OSBPL6: variants seen among roughly 807,000 people sequenced by gnomAD.
OSBPL6 encodes oxysterol binding protein like 6.
A neutral mutation model predicts 125.8 loss-of-function variants in OSBPL6; 49 were observed. The ratio of observed to expected loss-of-function variants is 0.39; its 90% CI spans 0.31 to 0.49. The LOEUF (loss-of-function observed/expected upper bound fraction) is 0.49. Ranked by LOEUF, OSBPL6 falls within the 20% of genes least tolerant of loss-of-function variation. The pLI is 0.88. For missense variants in OSBPL6, 986 were observed against 1,135.4 expected, an observed-to-expected ratio of 0.87 and a Z score of 1.89; for synonymous variants, 394 against 391.8, an observed-to-expected ratio of 1.01 and a Z score of -0.07.
chr2:178,355,854 C>T (rs1225217114), intron 12 of OSBPL6, among the ~76,000 whole-genome samples: 1 of 152,250 alleles, frequency 6.6e-6, no homozygotes, highest in South Asian at 2.1e-4. Context: ...TACTGGCAAA[C>T]CGAATCCAGT....
chr2:178,212,152 A>T (rs2089890345), intron 1 of OSBPL6, among the ~76,000 whole-genome samples: 1 of 152,132 alleles, frequency 6.6e-6, no homozygotes, highest in South Asian at 2.1e-4. Context: ...GCCGCCTTAC[A>T]AATTGCCCTC....
intron 12 of OSBPL6, 78 bp downstream of exon 12, chr2:178,349,467 T>C (rs1256506859): frequency 6.7e-7 from 1 of 1,495,062 alleles, no homozygotes; most frequent in African/African-American, 1.4e-5. Flanking sequence ...TTTATCTTTG[T>C]CTTTGTGGTA....
intron 13 of OSBPL6, among the ~76,000 whole-genome samples, chr2:178,369,739 G>A (rs1574992098): frequency 6.6e-6 from 1 of 152,164 alleles, no homozygotes. Context: ...ATGAACATGG[G>A]GTAAGATGAG....
intron 1 of OSBPL6, among the ~76,000 whole-genome samples, chr2:178,249,966 T>C (rs1164620967): frequency 6.6e-6 from 1 of 151,668 alleles, no homozygotes; most frequent in Admixed American, 6.6e-5. Flanking sequence ...AGGTCACCAA[T>C]AGACATTTCA....
intron 1 of OSBPL6, among the ~76,000 whole-genome samples, chr2:178,253,901 T>C (rs1401860205): frequency 2.0e-5 from 3 of 152,020 alleles, no homozygotes; most frequent in Non-Finnish European, 4.4e-5. Context: ...CCTGAGTGGG[T>C]TAATGGATTA....
intron 1 of OSBPL6, among the ~76,000 whole-genome samples, chr2:178,261,476 A>G (rs2092062860): frequency 6.6e-6 from 1 of 152,174 alleles, no homozygotes; most frequent in South Asian, 2.1e-4. Context: ...GTAACTGATC[A>G]AAGACTATAA....
chr2:178,273,850 T>C (rs2154026339), intron 1 of OSBPL6, among the ~76,000 whole-genome samples: 1 of 152,288 alleles, frequency 6.6e-6, no homozygotes, highest in East Asian at 1.9e-4. Context: ...TGTCCATAGA[T>C]TTGCTGATAT....
chr2:178,276,214 T>C (rs2092465756), intron 1 of OSBPL6, among the ~76,000 whole-genome samples: 1 of 152,164 alleles, frequency 6.6e-6, no homozygotes, highest in Non-Finnish European at 1.5e-5. Flanking sequence ...TCTGTCAAGA[T>C]TCATGCATTT....
chr2:178,372,291 C>A, intron 14 of OSBPL6, 58 bp downstream of exon 14: 1 of 1,271,598 alleles, frequency 7.9e-7, no homozygotes, highest in Non-Finnish European at 1.1e-6. Flanking sequence ...AAATTTACTG[C>A]ATATTTTTGT....
chr2:178,239,591 A>ATTTTTTT (rs1553528648), intron 1 of OSBPL6, among the ~76,000 whole-genome samples: 3 of 137,262 alleles, frequency 2.2e-5, no homozygotes, highest in Admixed American at 1.5e-4. Flanking sequence ...AATGAACTTT[A>ATTTTTTT]TTTTATTTAT....
At chr2:178,270,324 A>G (rs866529217) in intron 1 of OSBPL6, among the ~76,000 whole-genome samples, 16 of 152,206 alleles carry the variant, frequency 1.1e-4, no homozygotes, top group South Asian at 4.1e-4. Context: ...GTGCAATGTG[A>G]CTTTTGGGCA....
rs531988925 is a variant in OSBPL6, at chr2:178,222,426, C to T, written c.-351+27752C>T. ...TTGGGAGGCCCAGGCGGGCGGATCACGAGGTCAGGAGATCGAGACCATCCT... is the reference window on the plus strand; with the variant it reads ...TTGGGAGGCCCAGGCGGGCGGATCATGAGGTCAGGAGATCGAGACCATCCT... On this transcript the variant is annotated intron_variant, in intron 1 of 24. Coordinates refer to ENST00000190611, the MANE Select transcript of OSBPL6 (RefSeq NM_032523.4). Among the ~76,000 whole-genome samples the T allele has an allele frequency of 2.4e-4, 37 of 152,272 alleles. 1 individual carries two copies. In the South Asian group the frequency reaches 6.8e-3, roughly 28 times the overall value.
chr2:178,225,070 A>G (rs1370978994), intron 1 of OSBPL6, among the ~76,000 whole-genome samples: 1 of 151,886 alleles, frequency 6.6e-6, no homozygotes, highest in Non-Finnish European at 1.5e-5. Flanking sequence ...TAAAGAATCT[A>G]TAGATATGCC....
chr2:178,387,971 T>C (rs960589588), intron 20 of OSBPL6, among the ~76,000 whole-genome samples: 2 of 151,516 alleles, frequency 1.3e-5, no homozygotes, highest in African/African-American at 4.9e-5. Flanking sequence ...GCCACTGCAC[T>C]CCAGCCTGGG....
intron 19 of OSBPL6, 44 bp downstream of exon 19, chr2:178,385,565 T>C (rs753516727): frequency 2.4e-5 from 34 of 1,433,330 alleles, no homozygotes; most frequent in Non-Finnish European, 3.3e-5. Flanking sequence ...TATGAGCCTA[T>C]GAAAAAATAT....
intron 1 of OSBPL6, among the ~76,000 whole-genome samples, chr2:178,271,249 G>A (rs2092369614): frequency 6.6e-6 from 1 of 152,048 alleles, no homozygotes; most frequent in Non-Finnish European, 1.5e-5. Context: ...TTTAAATACA[G>A]GAAGCTTTAG....
chr2:178,326,021 G>A (rs1216779757), intron 4 of OSBPL6, among the ~76,000 whole-genome samples: 1 of 152,136 alleles, frequency 6.6e-6, no homozygotes, highest in Admixed American at 6.5e-5. Flanking sequence ...AAATCAGAGG[G>A]CCATATCTAA....
chr2:178,382,410 C>T lies in OSBPL6; in HGVS notation c.1534-10C>T. The T allele has an allele frequency of 1.3e-6, 2 of 1,584,738 alleles. No homozygotes were observed. The highest frequency in any genetic ancestry group is 1.7e-6 in the Non-Finnish European group (2 of 1,164,088). The stretch of plus-strand genomic sequence containing the variant: ...GAATTCTGATCCTTGTATGTTCTTC[C>T]CTTCCTTAGGCTTCAGATGATGAGT... On this transcript the variant is annotated splice_polypyrimidine_tract_variant and intron_variant, in intron 15 of 24. Transcript: ENST00000190611.
chr2:178,204,632 A>C (rs576065001), intron 1 of OSBPL6, among the ~76,000 whole-genome samples: 1 of 152,338 alleles, frequency 6.6e-6, no homozygotes, highest in Admixed American at 6.5e-5. Flanking sequence ...TGTCTCCAAC[A>C]GGAAGATAAA....
Sources: allele counts gnomAD v4.1 joint callset (sites outside exome capture counted in the v4.1 genomes callset), GRCh38; gene constraint gnomAD v4.1.1; transcripts MANE v1.5; gene names NCBI Gene and HGNC (gene_info 2026-07-23, HGNC 2026-07-21).